SH3BGR: variants seen among roughly 807,000 people sequenced by gnomAD.
The protein encoded by SH3BGR is SH3 domain binding glutamate rich protein, also known as SH3 domain-binding glutamic acid-rich protein.
SH3BGR carries 29 observed loss-of-function variants against 24.5 expected under a neutral mutation model. That is an observed-to-expected ratio of 1.18 (90% CI 0.88 to 1.61). The LOEUF is 1.61. Among genes scored for constraint, SH3BGR ranks in the 40% most tolerant of loss-of-function variants. The pLI, the probability that SH3BGR is intolerant of heterozygous loss-of-function variation, is 0.00. For missense variants in SH3BGR, 162 were observed against 205.8 expected, an observed-to-expected ratio of 0.79 and a Z score of 1.30; for synonymous variants, 55 against 65.7, an observed-to-expected ratio of 0.84 and a Z score of 0.79.
chr21:39,461,371 A>G (rs770427831), intron 1 of SH3BGR, among the ~76,000 whole-genome samples: 6 of 152,098 alleles, frequency 3.9e-5, no homozygotes, highest in Non-Finnish European at 7.4e-5. Context: ...TCCTGACCTC[A>G]GGTGATCTGT....
At position 39,515,303 on chromosome 21, in the gene SH3BGR, AT is replaced by A. The variant is rs111236770; in HGVS notation, c.*259del. The stretch of plus-strand genomic sequence containing the variant: ...TGCCTGACAGTCTTGGCTTTTGAAG[AT>A]TTTTTTTTCTTTTTTGCTCTGCATA... On this transcript the variant is annotated 3_prime_UTR_variant, in exon 7 of 7. Coordinates refer to ENST00000333634, the MANE Select transcript of SH3BGR (RefSeq NM_007341.3). 17,935 of 247,516 alleles carry A rather than the reference AT, an allele frequency of 0.072. 1,036 individuals carry two copies. Among genetic ancestry groups the A allele is most frequent in the African/African-American group, 0.17 (7,488 of 43,304 alleles). 15.3% of individuals were successfully genotyped at this position (247,516 alleles called of 1,614,324 possible). A position where few individuals can be genotyped will look rare whatever the true frequency, so the allele number is the denominator to read the frequency against.
intron 1 of SH3BGR, among the ~76,000 whole-genome samples, chr21:39,455,317 A>C (rs578157797): frequency 4.6e-5 from 7 of 152,212 alleles, no homozygotes; most frequent in African/African-American, 1.7e-4. Flanking sequence ...AATGACACAC[A>C]CCCCAAATAC....
chr21:39,451,125 C>G (rs1345179813), upstream of SH3BGR, among the ~76,000 whole-genome samples: 1 of 152,120 alleles, frequency 6.6e-6, no homozygotes, highest in Non-Finnish European at 1.5e-5. Context: ...CGGACCTTCT[C>G]TAACTTTTAA....
At chr21:39,446,507 A>G (rs1169218691) in intron 1 of SH3BGR, among the ~76,000 whole-genome samples, 6 of 152,216 alleles carry the variant, frequency 3.9e-5, no homozygotes, top group South Asian at 4.1e-4. Context: ...TTCTAAAGGT[A>G]GAGGGAAACT....
At chr21:39,454,808 A>G (rs763012974) in intron 1 of SH3BGR, among the ~76,000 whole-genome samples, 2 of 152,204 alleles carry the variant, frequency 1.3e-5, no homozygotes, top group African/African-American at 2.4e-5. Context: ...CCATCCAAAT[A>G]CCTACCTAGA....
chr21:39,491,751 C>G, intron 3 of SH3BGR: 1 of 221,232 alleles, frequency 4.5e-6, no homozygotes, highest in Non-Finnish European at 9.5e-6. Flanking sequence ...ATGTCCCTGA[C>G]TGCTGTGGCC....
At chr21:39,450,488 T>C (rs2077561118), upstream of SH3BGR, among the ~76,000 whole-genome samples, 1 of 152,148 alleles carries the variant, frequency 6.6e-6, no homozygotes, top group Non-Finnish European at 1.5e-5. Context: ...CCTCTGGGGC[T>C]CTGGGACTCA....
intron 2 of SH3BGR, among the ~76,000 whole-genome samples, chr21:39,471,701 A>G (rs1021701595): frequency 1.3e-5 from 2 of 151,984 alleles, no homozygotes; most frequent in African/African-American, 2.4e-5. Flanking sequence ...GGCTCAAACA[A>G]TCCTCCCTTC....
intron 4 of SH3BGR, among the ~76,000 whole-genome samples, chr21:39,507,800 T>C (rs2078609566): frequency 6.6e-6 from 1 of 152,076 alleles, no homozygotes; most frequent in Admixed American, 6.6e-5. Flanking sequence ...ACATGTTTCA[T>C]AGAGATGGGG....
chr21:39,485,869 T>C (rs1602130086), intron 3 of SH3BGR, among the ~76,000 whole-genome samples: 1 of 151,850 alleles, frequency 6.6e-6, no homozygotes, highest in African/African-American at 2.4e-5. Flanking sequence ...TTGTGTTTTT[T>C]AGTAGAGACG....
At chr21:39,469,312 ATT>A (rs551958647) in intron 2 of SH3BGR, among the ~76,000 whole-genome samples, 1 of 138,496 alleles carries the variant, frequency 7.2e-6, no homozygotes. Context: ...GTCTTCTCTG[ATT>A]TTTTTTTTTA....
chr21:39,450,599 C>T (rs1052166129), upstream of SH3BGR, among the ~76,000 whole-genome samples: 2 of 151,928 alleles, frequency 1.3e-5, no homozygotes, highest in African/African-American at 2.4e-5. Flanking sequence ...AAAAGGGAGC[C>T]GGAGAACAGA....
intron 3 of SH3BGR, 63 bp from the exon 4 acceptor site, chr21:39,499,760 G>C: frequency 8.3e-7 from 1 of 1,208,352 alleles, no homozygotes; most frequent in Non-Finnish European, 1.2e-6. Flanking sequence ...AGCATATGTG[G>C]CCTGTTTTTT....
intron 6 of SH3BGR, among the ~76,000 whole-genome samples, chr21:39,513,693 A>G (rs1043933013): frequency 6.6e-6 from 1 of 152,014 alleles, no homozygotes; most frequent in African/African-American, 2.4e-5. Context: ...CTCATTTTTG[A>G]AAAAAAGGAA....
intron 2 of SH3BGR, among the ~76,000 whole-genome samples, chr21:39,472,463 T>A (rs947244981): frequency 6.6e-6 from 1 of 152,192 alleles, no homozygotes; most frequent in Admixed American, 6.5e-5. Flanking sequence ...CAACACAAGC[T>A]TTTTGGCGGA....
At chr21:39,450,611 A>C (rs372304664), upstream of SH3BGR, among the ~76,000 whole-genome samples, 177 of 152,264 alleles carry the variant, frequency 1.2e-3, 4 homozygotes, top group South Asian at 0.035. Context: ...GAGAACAGAG[A>C]GAGAGAGAGA....
intron 4 of SH3BGR, among the ~76,000 whole-genome samples, chr21:39,503,305 C>G (rs2078527509): frequency 6.6e-6 from 1 of 152,168 alleles, no homozygotes; most frequent in Non-Finnish European, 1.5e-5. Context: ...GCCCTTCACC[C>G]AACTTCCCCA....
Position 39,479,865 on chromosome 21 carries a change from A to AT in SH3BGR, c.312+4660dup, listed in dbSNP as rs35260549. Among the ~76,000 whole-genome samples the AT allele has an allele frequency of 7.5e-3, 1,137 of 150,850 alleles. 16 individuals carry two copies. Among genetic ancestry groups the AT allele is most frequent in the African/African-American group, 0.026 (1,063 of 40,946 alleles). On this transcript the variant is annotated intron_variant, in intron 3 of 6. Coordinates refer to ENST00000333634, the MANE Select transcript of SH3BGR (RefSeq NM_007341.3). ...TTACTGCCTTTGAATTTCCGTAGACATTTTTTTTTTCCTGCAAAAAGACTT... is the reference window on the plus strand; with the variant it reads ...TTACTGCCTTTGAATTTCCGTAGACATTTTTTTTTTTCCTGCAAAAAGACTT...
intron 3 of SH3BGR, among the ~76,000 whole-genome samples, chr21:39,487,309 A>C (rs1160603158): frequency 6.6e-6 from 1 of 151,636 alleles, no homozygotes; most frequent in Non-Finnish European, 1.5e-5. Flanking sequence ...TGCCTGGCTA[A>C]TTTTTGTATT....
Sources: allele counts gnomAD v4.1 joint callset (sites outside exome capture counted in the v4.1 genomes callset), GRCh38; gene constraint gnomAD v4.1.1; transcripts MANE v1.5; gene names NCBI Gene and HGNC (gene_info 2026-07-23, HGNC 2026-07-21).